STXBP5L: variants seen among roughly 807,000 people sequenced by gnomAD.
STXBP5L encodes syntaxin-binding protein 5-like.
In STXBP5L, 65 loss-of-function variants were observed where a neutral mutation model predicts 144.5. The observed-to-expected ratio is 0.45, with a 90% CI of 0.37 to 0.55. The LOEUF (loss-of-function observed/expected upper bound fraction) is 0.55, where lower values mean the gene tolerates loss of function less well. Among genes scored for constraint, STXBP5L ranks in the 20% least tolerant of loss-of-function variants. The pLI is 0.00. For missense variants in STXBP5L, 1,298 were observed against 1,405.5 expected (o/e 0.92, Z 1.22); for synonymous variants, 505 against 469.6 (o/e 1.08, Z -0.97).
intron 5 of STXBP5L, among the ~76,000 whole-genome samples, chr3:121,093,924 C>T (rs1484239174): frequency 6.6e-6 from 1 of 151,998 alleles, no homozygotes; most frequent in Non-Finnish European, 1.5e-5. Context: ...TATACATTTC[C>T]CTCTACACAC....
chr3:120,910,342 A>G (rs901613887), intron 2 of STXBP5L, among the ~76,000 whole-genome samples: 13 of 152,226 alleles, frequency 8.5e-5, no homozygotes, highest in Non-Finnish European at 1.6e-4. Flanking sequence ...GTTTAGTAAG[A>G]AAACATTTTA....
intron 9 of STXBP5L, among the ~76,000 whole-genome samples, chr3:121,190,348 G>A (rs1577163032): frequency 1.3e-5 from 2 of 152,208 alleles, no homozygotes; most frequent in East Asian, 1.9e-4. Context: ...GACACAGCAC[G>A]TTTCAGAGAG....
At chr3:120,932,269 C>T (rs1436102339) in intron 2 of STXBP5L, among the ~76,000 whole-genome samples, 2 of 152,168 alleles carry the variant, frequency 1.3e-5, no homozygotes, top group South Asian at 2.1e-4. Flanking sequence ...AAACAACTCT[C>T]CTAAGTATAT....
chr3:121,231,773 T>C (rs1443008058), intron 11 of STXBP5L, among the ~76,000 whole-genome samples: 1 of 152,188 alleles, frequency 6.6e-6, no homozygotes, highest in Admixed American at 6.5e-5. Context: ...ATGTAGTCCC[T>C]CTATTAAATA....
chr3:120,968,786 T>G (rs1376241621), intron 3 of STXBP5L, among the ~76,000 whole-genome samples: 1 of 152,132 alleles, frequency 6.6e-6, no homozygotes, highest in African/African-American at 2.4e-5. Flanking sequence ...AGCTCTCACT[T>G]AAAACATATG....
intron 3 of STXBP5L, among the ~76,000 whole-genome samples, chr3:120,955,986 T>C (rs1937987673): frequency 6.6e-6 from 1 of 152,066 alleles, no homozygotes; most frequent in African/African-American, 2.4e-5. Context: ...TCCTTTATAC[T>C]GAATTGGATA....
intron 11 of STXBP5L, among the ~76,000 whole-genome samples, chr3:121,231,134 T>G (rs1201926029): frequency 6.6e-6 from 1 of 152,162 alleles, no homozygotes; most frequent in Non-Finnish European, 1.5e-5. Flanking sequence ...TTGTTTATAA[T>G]ATGCACATTG....
At chr3:121,000,716 G>C (rs1523509) in intron 3 of STXBP5L, among the ~76,000 whole-genome samples, 32,370 of 152,018 alleles carry the variant, frequency 0.21, 3,644 homozygotes, top group Non-Finnish European at 0.26. Context: ...CAGAGGTCTT[G>C]CACTGATTCT....
intron 3 of STXBP5L, among the ~76,000 whole-genome samples, chr3:120,971,350 G>A (rs1344017056): frequency 6.6e-6 from 1 of 151,462 alleles, no homozygotes; most frequent in Admixed American, 6.6e-5. Context: ...TACTCAGTAG[G>A]TACTATTTTA....
rs75583970 is a variant in STXBP5L, at chr3:120,954,870, T to C, written c.190-70T>C. 129 of 1,268,494 alleles carry C rather than the reference T, an allele frequency of 1.0e-4. No homozygotes were observed. In the East Asian group the frequency reaches 2.7e-3, roughly 26 times the overall value. 78.6% of individuals were successfully genotyped at this position (1,268,494 alleles called of 1,614,324 possible). ...CTAATTTTAGACATTCTGGTGGCTATATAATGGTATCTTGTGATTGTAATT... is the reference window on the plus strand; with the variant it reads ...CTAATTTTAGACATTCTGGTGGCTACATAATGGTATCTTGTGATTGTAATT... On this transcript the variant is annotated intron_variant, in intron 2 of 26. Transcript: ENST00000471454.
intron 7 of STXBP5L, among the ~76,000 whole-genome samples, chr3:121,145,965 G>T (rs1329848436): frequency 6.6e-6 from 1 of 151,954 alleles, no homozygotes; most frequent in African/African-American, 2.4e-5. Context: ...AGGTGAATTT[G>T]CTCTCTCTAC....
chr3:121,069,894 C>T (rs1423620373), intron 5 of STXBP5L, among the ~76,000 whole-genome samples: 5 of 152,032 alleles, frequency 3.3e-5, no homozygotes, highest in African/African-American at 9.7e-5. Flanking sequence ...GTCGAAACTC[C>T]GTCGGATGCT....
chr3:121,166,611 A>G (rs536886579), intron 9 of STXBP5L, among the ~76,000 whole-genome samples: 10 of 152,196 alleles, frequency 6.6e-5, no homozygotes, highest in Non-Finnish European at 1.5e-4. Flanking sequence ...TACTATTCTA[A>G]TGTCTGCATT....
At chr3:121,044,454 T>A (rs1269192045) in intron 4 of STXBP5L, among the ~76,000 whole-genome samples, 1 of 152,160 alleles carries the variant, frequency 6.6e-6, no homozygotes, top group Non-Finnish European at 1.5e-5. Flanking sequence ...AAATGGGATA[T>A]CTGTGATTGA....
chr3:121,139,338 C>T (rs143517359), intron 7 of STXBP5L, among the ~76,000 whole-genome samples: 1 of 152,040 alleles, frequency 6.6e-6, no homozygotes, highest in Non-Finnish European at 1.5e-5. Flanking sequence ...AAAAAGCACT[C>T]TCTCTTATAA....
intron 3 of STXBP5L, among the ~76,000 whole-genome samples, chr3:120,966,682 C>A (rs1213305847): frequency 1.3e-5 from 2 of 152,136 alleles, no homozygotes; most frequent in African/African-American, 4.8e-5. Context: ...AGCTTCATCC[C>A]AGAGTGGCAG....
At chr3:121,176,355 G>A (rs2046931770) in intron 9 of STXBP5L, among the ~76,000 whole-genome samples, 1 of 151,414 alleles carries the variant, frequency 6.6e-6, no homozygotes, top group Admixed American at 6.6e-5. Flanking sequence ...CAAACCCAAA[G>A]CAAGAATAAA....
rs188338593 is a variant in STXBP5L, at chr3:120,915,628, T to C, written c.189+5861T>C. On this transcript the variant is annotated intron_variant, in intron 2 of 26. Coordinates refer to ENST00000471454, the MANE Select transcript of STXBP5L (RefSeq NM_001308330.2). Reference sequence around the variant, plus strand: ...AGGAGGATAACTTTTCTTAATTCTTTTTAGTATTTGAAAGGCTAATCTTTT... The same window carrying C: ...AGGAGGATAACTTTTCTTAATTCTTCTTAGTATTTGAAAGGCTAATCTTTT... Among the ~76,000 whole-genome samples the C allele has an allele frequency of 9.2e-5, 14 of 152,234 alleles. No homozygotes were observed. In the East Asian group the frequency reaches 2.7e-3, roughly 29 times the overall value.
chr3:121,416,167 A>C (rs2047227127), intron 25 of STXBP5L, among the ~76,000 whole-genome samples, 199 bp downstream of exon 25: 1 of 152,038 alleles, frequency 6.6e-6, no homozygotes, highest in African/African-American at 2.4e-5. Flanking sequence ...GAAAGTGGTC[A>C]CTTCATATTA....
Sources: allele counts gnomAD v4.1 joint callset (sites outside exome capture counted in the v4.1 genomes callset), GRCh38; gene constraint gnomAD v4.1.1; transcripts MANE v1.5; gene names NCBI Gene and HGNC (gene_info 2026-07-23, HGNC 2026-07-21).